STMP1: variants seen among roughly 807,000 people sequenced by gnomAD.
The protein encoded by STMP1 is mitolamban.
STMP1 carries 7 observed loss-of-function variants against 7.0 expected under a neutral mutation model. The ratio of observed to expected loss-of-function variants is 1.01; its 90% CI spans 0.57 to 1.89. STMP1 has a LOEUF of 1.89. Among genes scored for constraint, STMP1 ranks in the 40% most tolerant of loss-of-function variants. The pLI, the probability that STMP1 is intolerant of heterozygous loss-of-function variation, is 0.00. For synonymous variants in STMP1, 19 were observed against 18.4 expected (o/e 1.03, Z -0.08); for missense variants, 45 against 53.0 (o/e 0.85, Z 0.47).
intron 1 of STMP1, among the ~76,000 whole-genome samples, chr7:135,663,151 G>A (rs570987425): frequency 1.4e-4 from 22 of 152,340 alleles, no homozygotes; most frequent in African/African-American, 5.1e-4. Context: ...TTCCCAAAAT[G>A]TGTAAGCATG....
intron 1 of STMP1, among the ~76,000 whole-genome samples, chr7:135,666,395 C>A (rs763583765): frequency 1.7e-4 from 26 of 152,202 alleles, no homozygotes; most frequent in Non-Finnish European, 3.4e-4. Context: ...GTCACCCAGG[C>A]TGGAATGCTG....
At chr7:135,672,695 A>G in intron 1 of STMP1, 58 bp from the exon 2 acceptor site, 1 of 1,299,936 alleles carries the variant, frequency 7.7e-7, no homozygotes, top group Admixed American at 2.0e-5. Context: ...TTTAGTTTGG[A>G]ATCAGACTGG....
At chr7:135,665,752 A>T (rs571689522) in intron 1 of STMP1, 1 of 152,260 alleles carries the variant, frequency 6.6e-6, no homozygotes, top group South Asian at 2.1e-4. Context: ...GATAGTTACC[A>T]ACACTACCTG....
In STMP1 at chr7:135,674,291, T is replaced by C. The variant is rs527352414; in HGVS notation, c.*126T>C. The C allele has an allele frequency of 8.2e-5, 61 of 747,248 alleles. No homozygotes were observed. The African/African-American group carries it at 8.4e-4, about 10-fold the overall frequency. The allele number at this position is 747,248 out of a possible 1,614,324, so 46.3% of individuals were successfully genotyped here. ...AGCACTTCTCTTCTTTGCTAGACCCTGTGTTTTTTGCTTTAAAGCAAGCAA... is the reference window on the plus strand; with the variant it reads ...AGCACTTCTCTTCTTTGCTAGACCCCGTGTTTTTTGCTTTAAAGCAAGCAA... On this transcript the variant is annotated 3_prime_UTR_variant, in exon 3 of 3. Transcript: ENST00000507606.
At chr7:135,666,289 CT>C (rs1246226349) in intron 1 of STMP1, among the ~76,000 whole-genome samples, 1 of 151,800 alleles carries the variant, frequency 6.6e-6, no homozygotes, top group Non-Finnish European at 1.5e-5. Context: ...CCACTTTGAT[CT>C]TTTTCCATGA....
intron 1 of STMP1, among the ~76,000 whole-genome samples, chr7:135,669,739 G>A (rs570613297): frequency 1.3e-5 from 2 of 152,260 alleles, no homozygotes; most frequent in African/African-American, 2.4e-5. Context: ...CCAGCGAGGA[G>A]GTCTAAGGCA....
Position 135,674,183 on chromosome 7 carries a change from CCT to C in STMP1, c.*19_*20del. 3 of 1,523,140 alleles carry C rather than the reference CCT, an allele frequency of 2.0e-6. No individual in the cohort carries two copies. Among genetic ancestry groups the C allele is most frequent in the Non-Finnish European group, 2.7e-6 (3 of 1,129,518 alleles). 94.4% of individuals were successfully genotyped at this position (1,523,140 alleles called of 1,614,324 possible). On this transcript the variant is annotated 3_prime_UTR_variant, in exon 3 of 3. Transcript: ENST00000507606. ...GTGCATGAGACTGCCTCCAGCACTG[CCT>C]TCAGGATATACTGATTCTACTGCTC...
chr7:135,664,344 ATTTTTTT>A (rs767469164), intron 1 of STMP1, among the ~76,000 whole-genome samples: 26 of 114,986 alleles, frequency 2.3e-4, no homozygotes, highest in East Asian at 5.0e-4. Flanking sequence ...CTGTGTGTTA[ATTTTTTT>A]TTTTTTTTTT....
At chr7:135,670,736 A>G (rs1795348521) in intron 1 of STMP1, among the ~76,000 whole-genome samples, 1 of 150,114 alleles carries the variant, frequency 6.7e-6, no homozygotes, top group African/African-American at 2.5e-5. Context: ...GTGCCCTGAT[A>G]CCTGGCAAAG....
Position 135,676,343 on chromosome 7 carries a change from AT to A in STMP1, c.*2179del, listed in dbSNP as rs1256318101. On this transcript the variant is annotated 3_prime_UTR_variant, in exon 3 of 3. Coordinates refer to ENST00000507606, the MANE Select transcript of STMP1 (RefSeq NM_001130929.2). Reference sequence around the variant, plus strand: ...CCACCTCATAGGGTTTTCATAAAAAATAATTGAGATAATGTATGTAATGTTT... The same window carrying A: ...CCACCTCATAGGGTTTTCATAAAAAAAATTGAGATAATGTATGTAATGTTT... 1.3e-5 allele frequency: 2 copies of A among 152,262 alleles called. No individual in the cohort carries two copies. The highest frequency in any genetic ancestry group is 2.9e-5 in the Non-Finnish European group (2 of 68,040). 9.4% of individuals were successfully genotyped at this position (152,262 alleles called of 1,614,324 possible). A position where few individuals can be genotyped will look rare whatever the true frequency, so the allele number is the denominator to read the frequency against.
chr7:135,667,995 G>A (rs1171953693), intron 1 of STMP1, among the ~76,000 whole-genome samples: 1 of 152,078 alleles, frequency 6.6e-6, no homozygotes, highest in African/African-American at 2.4e-5. Flanking sequence ...TTTATTCTTT[G>A]CATGTGGATA....
rs1795371026 is a variant in STMP1, at chr7:135,672,823, A to G, written c.69+17A>G. On this transcript the variant is annotated intron_variant, in intron 2 of 2. Coordinates refer to ENST00000507606, the MANE Select transcript of STMP1 (RefSeq NM_001130929.2). ...AACTATGATGTAAGTGGCCATATCC[A>G]TGACTTCCTTGATTCCATGTAACTG... 1.9e-6 allele frequency: 3 copies of G among 1,546,340 alleles called. No individual in the cohort carries two copies. The highest frequency in any genetic ancestry group is 4.9e-5 in the East Asian group (2 of 40,880).
intron 1 of STMP1, among the ~76,000 whole-genome samples, chr7:135,672,347 A>C (rs1488877437): frequency 6.6e-6 from 1 of 152,250 alleles, no homozygotes; most frequent in Non-Finnish European, 1.5e-5. Flanking sequence ...TCCATAACCA[A>C]AAAAAGACAA....
chr7:135,664,184 A>G (rs898115903), intron 1 of STMP1, among the ~76,000 whole-genome samples: 10 of 152,226 alleles, frequency 6.6e-5, no homozygotes, highest in Non-Finnish European at 1.3e-4. Flanking sequence ...TAAAAGCGGT[A>G]TCACTTAGCT....
rs80059305 is a variant in STMP1, at chr7:135,666,870, G to C, written c.15+4276G>C. ...TTGTGTGGATATGTATTTCAGTTCTGTTGAGTATATACCCTAAAGTGGGAT... is the reference window on the plus strand; with the variant it reads ...TTGTGTGGATATGTATTTCAGTTCTCTTGAGTATATACCCTAAAGTGGGAT... On this transcript the variant is annotated intron_variant, in intron 1 of 2. Transcript: ENST00000507606. 5.6e-3 allele frequency among the ~76,000 whole-genome samples: 855 copies of C among 152,272 alleles called. 13 individuals carry two copies. Among genetic ancestry groups the C allele is most frequent in the East Asian group, 0.051 (264 of 5,174 alleles).
In STMP1 at chr7:135,671,193, A is replaced by G. The variant is rs78227197; in HGVS notation, c.16-1560A>G. ...ATTAATCAAATGATCAGAACGGTCT[A>G]TGATTAGAGATAAGATAGACTCTTC... is the stretch of plus-strand genomic sequence containing the variant. On this transcript the variant is annotated intron_variant, in intron 1 of 2. Transcript: ENST00000507606. Among the ~76,000 whole-genome samples the G allele has an allele frequency of 5.4e-3, 826 of 152,324 alleles. 5 individuals are homozygous for G. The highest frequency in any genetic ancestry group is 0.019 in the African/African-American group (803 of 41,568).
chr7:135,664,631 G>A (rs1459677775), intron 1 of STMP1, among the ~76,000 whole-genome samples: 1 of 152,070 alleles, frequency 6.6e-6, no homozygotes, highest in African/African-American at 2.4e-5. Context: ...TGAGAATTCA[G>A]AATTCTCAGT....
Position 135,675,393 on chromosome 7 carries a change from A to G in STMP1, c.*1228A>G, listed in dbSNP as rs1795402198. On this transcript the variant is annotated 3_prime_UTR_variant, in exon 3 of 3. Coordinates refer to ENST00000507606, the MANE Select transcript of STMP1 (RefSeq NM_001130929.2). ...TTTCTTTTTTTCTTTTTTAATGGAG[A>G]TCATTCTATACCAGCATGTAAGTAG... The G allele has an allele frequency of 1.3e-5, 2 of 151,394 alleles. No individual in the cohort carries two copies. The highest frequency in any genetic ancestry group is 4.9e-5 in the African/African-American group (2 of 41,138). The allele number at this position is 151,394 out of a possible 1,614,324, so 9.4% of individuals were successfully genotyped here.
chr7:135,662,658 C>G, intron 1 of STMP1, 64 bp downstream of exon 1: 2 of 1,520,062 alleles, frequency 1.3e-6, no homozygotes, highest in Admixed American at 2.1e-5. Flanking sequence ...CCATTTCCCC[C>G]TTGAGGATTG....
Sources: gnomAD v4.1 joint callset for allele counts (sites outside exome capture counted in the v4.1 genomes callset) on GRCh38, gnomAD v4.1.1 for gene constraint, MANE v1.5 for transcripts, NCBI Gene and HGNC (gene_info 2026-07-23, HGNC 2026-07-21) for gene names.